PCDH9: variants seen among roughly 807,000 people sequenced by gnomAD.
PCDH9 encodes protocadherin-9.
Under a neutral mutation model 70.6 loss-of-function variants are expected in PCDH9, and 24 were observed. The observed-to-expected ratio is 0.34, with a 90% CI of 0.25 to 0.48. The LOEUF is 0.48. PCDH9 is among the 20% of genes least tolerant of loss of function. The probability of loss-of-function intolerance (pLI) is 0.99; values close to 1 mark genes in which losing one functional copy is unlikely to be tolerated. For missense variants in PCDH9, 1,281 were observed against 1,503.6 expected (o/e 0.85, Z 2.45); for synonymous variants, 562 against 558.5 (o/e 1.01, Z -0.09).
In PCDH9 at chr13:67,178,082, C is replaced by T. The variant is rs190419647; in HGVS notation, c.3036+47323G>A. ...ACAAACAGGCACTAAATGCTATTGACTTTAAGTATCTCCCAAGGTTGTCCT... is the reference window on the plus strand; with the variant it reads ...ACAAACAGGCACTAAATGCTATTGATTTTAAGTATCTCCCAAGGTTGTCCT... On this transcript the variant is annotated intron_variant, in intron 2 of 4. Transcript: ENST00000377865. 2.0e-5 allele frequency among the ~76,000 whole-genome samples: 3 copies of T among 152,150 alleles called. No homozygotes were observed. The East Asian group carries it at 5.8e-4, about 29-fold the overall frequency.
At chr13:66,778,686 CAT>C (rs1390080549) in intron 3 of PCDH9, among the ~76,000 whole-genome samples, 1 of 152,176 alleles carries the variant, frequency 6.6e-6, no homozygotes, top group Non-Finnish European at 1.5e-5. Context: ...TATTATTTCA[CAT>C]AAGTCCAGAC....
intron 4 of PCDH9, among the ~76,000 whole-genome samples, chr13:66,507,010 T>C (rs976487035): frequency 4.6e-5 from 7 of 152,228 alleles, no homozygotes; most frequent in African/African-American, 1.7e-4. Flanking sequence ...CATATTTTTA[T>C]TGTTATGATG....
chr13:66,705,882 A>G (rs958446345), intron 3 of PCDH9, among the ~76,000 whole-genome samples: 2 of 152,234 alleles, frequency 1.3e-5, no homozygotes, highest in African/African-American at 4.8e-5. Context: ...ATTGCTCATT[A>G]CTGAAAGGAA....
At chr13:66,768,126 G>C (rs2079748074) in intron 3 of PCDH9, among the ~76,000 whole-genome samples, 1 of 151,954 alleles carries the variant, frequency 6.6e-6, no homozygotes, top group Non-Finnish European at 1.5e-5. Context: ...TGATTTATTG[G>C]TATCTGTATG....
chr13:66,766,598 G>T (rs150263353), intron 3 of PCDH9, among the ~76,000 whole-genome samples: 2 of 151,964 alleles, frequency 1.3e-5, no homozygotes, highest in Admixed American at 6.6e-5. Context: ...TAAGAATAAG[G>T]AGGTGGAAGG....
At chr13:67,139,023 C>T (rs2087305679) in intron 2 of PCDH9, among the ~76,000 whole-genome samples, 2 of 152,090 alleles carry the variant, frequency 1.3e-5, no homozygotes, top group Non-Finnish European at 1.5e-5. Flanking sequence ...AAGATAATAC[C>T]TGTATCAGGA....
intron 4 of PCDH9, among the ~76,000 whole-genome samples, chr13:66,444,765 T>G (rs1157784693): frequency 2.0e-5 from 3 of 152,032 alleles, no homozygotes; most frequent in African/African-American, 7.2e-5. Context: ...TTCACCATGT[T>G]GGCCAGGCTG....
intron 2 of PCDH9, among the ~76,000 whole-genome samples, chr13:67,144,855 G>A (rs993545733): frequency 2.0e-5 from 3 of 152,116 alleles, no homozygotes; most frequent in African/African-American, 7.2e-5. Flanking sequence ...GGGAAATGCT[G>A]TCTCTGCAGT....
At chr13:66,314,349 G>T (rs1030520685) in intron 4 of PCDH9, among the ~76,000 whole-genome samples, 1 of 152,136 alleles carries the variant, frequency 6.6e-6, no homozygotes, top group Non-Finnish European at 1.5e-5. Flanking sequence ...GGTAGGTTTG[G>T]GGGGTAAGTC....
At chr13:67,103,560 TTGA>T (rs2086475277) in intron 2 of PCDH9, among the ~76,000 whole-genome samples, 2 of 152,338 alleles carry the variant, frequency 1.3e-5, no homozygotes, top group African/African-American at 4.8e-5. Flanking sequence ...GCAATTAATA[TTGA>T]TGTTCTTCAA....
chr13:67,016,375 T>C (rs1231184253), intron 2 of PCDH9, among the ~76,000 whole-genome samples: 2 of 152,206 alleles, frequency 1.3e-5, no homozygotes, highest in African/African-American at 4.8e-5. Context: ...ACTTCCCATC[T>C]TTTTATGAGG....
Position 66,631,253 on chromosome 13 carries a change from C to G in PCDH9, c.3297G>C (p.Pro1099=). The G allele has an allele frequency of 6.2e-7, 1 of 1,610,530 alleles. No individual in the cohort carries two copies. Among genetic ancestry groups the G allele is most frequent in the Non-Finnish European group, 8.5e-7 (1 of 1,176,768 alleles). The change falls in exon 4 of 5, where the codon CCG becomes CCC. Residue 1099 remains proline, a synonymous_variant. Transcript: ENST00000377865. ...TGCCATCTGCTTCAGTCCTCTTGTCCGGAGAGGCCTGGTCATAGAATTCGT... is the reference window on the plus strand; with the variant it reads ...TGCCATCTGCTTCAGTCCTCTTGTCGGGAGAGGCCTGGTCATAGAATTCGT... ...PQDEFYDQAS[P]DKRTEADGNS...
rs1024221886 is a variant in PCDH9 at position 66,354,400 on chromosome 13, G to A, written c.3341-49372C>T. ...TGAAGGTGATTTATTTTTTTTGTCT[G>A]CTTTTTTTCCTGTGTGTATTCTTAA... On this transcript the variant is annotated intron_variant, in intron 4 of 4. Coordinates refer to ENST00000377865, the MANE Select transcript of PCDH9 (RefSeq NM_203487.3). Among the ~76,000 whole-genome samples, 3 of 151,858 alleles carry A rather than the reference G, an allele frequency of 2.0e-5. 1 individual carries two copies. Among genetic ancestry groups the A allele is most frequent in the Non-Finnish European group, 1.5e-5 (1 of 67,958 alleles).
At chr13:66,871,835 C>G (rs188000187) in intron 3 of PCDH9, among the ~76,000 whole-genome samples, 6 of 152,122 alleles carry the variant, frequency 3.9e-5, no homozygotes, top group Non-Finnish European at 8.8e-5. Flanking sequence ...TACCACCCCC[C>G]CCTCAACATT....
chr13:66,467,138 A>G (rs989692107), intron 4 of PCDH9, among the ~76,000 whole-genome samples: 1 of 152,040 alleles, frequency 6.6e-6, no homozygotes, highest in African/African-American at 2.4e-5. Context: ...AAAAAAGTAC[A>G]TTACATCTAA....
intron 3 of PCDH9, among the ~76,000 whole-genome samples, chr13:66,763,517 C>A (rs968708645): frequency 5.3e-5 from 8 of 152,012 alleles, no homozygotes; most frequent in African/African-American, 1.9e-4. Flanking sequence ...AACCACTACT[C>A]CACCCTATTT....
intron 3 of PCDH9, among the ~76,000 whole-genome samples, chr13:66,822,989 A>G (rs781425732): frequency 6.6e-6 from 1 of 152,108 alleles, no homozygotes; most frequent in African/African-American, 2.4e-5. Flanking sequence ...GTTAACTTGT[A>G]TATGTATTTT....
At chr13:66,475,316 C>A (rs1250950269) in intron 4 of PCDH9, among the ~76,000 whole-genome samples, 1 of 152,014 alleles carries the variant, frequency 6.6e-6, no homozygotes, top group African/African-American at 2.4e-5. Context: ...TTCTTGCAGC[C>A]CTGCTGTCAC....
intron 3 of PCDH9, among the ~76,000 whole-genome samples, chr13:66,873,280 A>G (rs2081731413): frequency 6.6e-6 from 1 of 152,164 alleles, no homozygotes; most frequent in Admixed American, 6.5e-5. Flanking sequence ...TTAAAATAAA[A>G]ATTAAATTAT....
Sources: allele counts gnomAD v4.1 joint callset (sites outside exome capture counted in the v4.1 genomes callset), GRCh38; gene constraint gnomAD v4.1.1; transcripts MANE v1.5; gene names NCBI Gene and HGNC (gene_info 2026-07-23, HGNC 2026-07-21).